The following GALNT13 variants were observed in gnomAD, a reference collection of about 807,000 sequenced individuals.
GALNT13 encodes UDP-GalNAc:polypeptide N-acetylgalactosaminyltransferase 13.
A neutral mutation model predicts 64.2 loss-of-function variants in GALNT13; 28 were observed. The ratio of observed to expected loss-of-function variants is 0.44; its 90% confidence interval spans 0.32 to 0.60. GALNT13 has a LOEUF of 0.60. GALNT13 is among the 20% of genes least tolerant of loss of function. GALNT13 has a pLI of 0.05. For missense variants in GALNT13, 577 were observed against 669.8 expected, an observed-to-expected ratio of 0.86 and a Z score of 1.53; for synonymous variants, 214 against 224.6, an observed-to-expected ratio of 0.95 and a Z score of 0.42.
At chr2:154,289,258 TA>T (rs1692462405) in intron 8 of GALNT13, among the ~76,000 whole-genome samples, 1 of 152,302 alleles carries the variant, frequency 6.6e-6, no homozygotes, top group African/African-American at 2.4e-5. Context: ...CATAAAGCAA[TA>T]AGGCCCTGGG....
chr2:153,200,378 G>T, the GALNT13 span, among the ~76,000 whole-genome samples: 1 of 152,210 alleles, frequency 6.6e-6, no homozygotes, highest in Admixed American at 6.5e-5. Flanking sequence ...TTGGAAGCAG[G>T]TTGGGGCAAA....
At chr2:153,415,168 A>G in the GALNT13 span, among the ~76,000 whole-genome samples, 4 of 152,178 alleles carry the variant, frequency 2.6e-5, no homozygotes, top group East Asian at 1.9e-4. Flanking sequence ...TGGCTTTTTA[A>G]TATCTTCCAG....
chr2:154,068,512 C>A (rs1017810418), intron 3 of GALNT13, among the ~76,000 whole-genome samples: 1 of 150,372 alleles, frequency 6.7e-6, no homozygotes, highest in African/African-American at 2.4e-5. Flanking sequence ...TATATATACA[C>A]AAAGGAGTAA....
At chr2:154,347,501 A>G (rs1216145808) in intron 9 of GALNT13, among the ~76,000 whole-genome samples, 1 of 152,082 alleles carries the variant, frequency 6.6e-6, no homozygotes, top group Non-Finnish European at 1.5e-5. Context: ...AATTTGACCA[A>G]TTGTCAGATT....
chr2:153,960,643 C>T (rs528697316), intron 3 of GALNT13, among the ~76,000 whole-genome samples: 3 of 152,246 alleles, frequency 2.0e-5, no homozygotes, highest in East Asian at 1.9e-4. Context: ...TCTGGGGTAT[C>T]GCCATGGCAA....
At chr2:153,439,285 C>T in the GALNT13 span, among the ~76,000 whole-genome samples, 1 of 152,184 alleles carries the variant, frequency 6.6e-6, no homozygotes, top group East Asian at 1.9e-4. Context: ...CTTGAGGAGG[C>T]AGTCTGCCTG....
At chr2:153,609,897 G>A in the GALNT13 span, among the ~76,000 whole-genome samples, 25 of 152,128 alleles carry the variant, frequency 1.6e-4, no homozygotes, top group South Asian at 4.2e-4. Context: ...ACCAAGTCAC[G>A]ATGCAGCAAA....
intron 2 of GALNT13, among the ~76,000 whole-genome samples, chr2:153,903,600 A>C (rs1008599410): frequency 5.3e-5 from 8 of 151,984 alleles, no homozygotes; most frequent in Non-Finnish European, 1.0e-4. Context: ...CTGTACCTTC[A>C]AAATGTGTTA....
the GALNT13 span, among the ~76,000 whole-genome samples, chr2:153,533,483 C>A: frequency 6.6e-6 from 1 of 151,980 alleles, no homozygotes; most frequent in African/African-American, 2.4e-5. Flanking sequence ...AACTCCTGAC[C>A]TCAGGTGATC....
At chr2:153,284,074 A>G in the GALNT13 span, among the ~76,000 whole-genome samples, 249 of 152,230 alleles carry the variant, frequency 1.6e-3, 7 homozygotes, top group East Asian at 0.043. Flanking sequence ...ATGCCCAGGG[A>G]TGTTAGGGCA....
chr2:154,224,302 C>A (rs906773173), intron 4 of GALNT13, among the ~76,000 whole-genome samples: 1 of 151,988 alleles, frequency 6.6e-6, no homozygotes, highest in African/African-American at 2.4e-5. Context: ...AAGCTATGTG[C>A]ATTTCATGGT....
chr2:153,435,144 A>G, the GALNT13 span, among the ~76,000 whole-genome samples: 1 of 152,172 alleles, frequency 6.6e-6, no homozygotes, highest in Non-Finnish European at 1.5e-5. Context: ...AGTTGTAGAT[A>G]TGCGGCATTA....
intron 8 of GALNT13, among the ~76,000 whole-genome samples, chr2:154,289,557 T>G (rs1438672164): frequency 6.6e-6 from 1 of 152,066 alleles, no homozygotes; most frequent in African/African-American, 2.4e-5. Flanking sequence ...TTACTCACTT[T>G]CAAGAGAACA....
chr2:153,922,947 T>C (rs1435571955), intron 2 of GALNT13, among the ~76,000 whole-genome samples: 2 of 152,174 alleles, frequency 1.3e-5, no homozygotes, highest in African/African-American at 2.4e-5. Flanking sequence ...TCACCCAGGC[T>C]GGAGTGCAGC....
chr2:153,724,253 T>C, the GALNT13 span, among the ~76,000 whole-genome samples: 1 of 143,928 alleles, frequency 6.9e-6, no homozygotes, highest in Non-Finnish European at 1.5e-5. Flanking sequence ...GCTAGCCATA[T>C]GTAGAAAGCT....
At chr2:153,540,114 G>A in the GALNT13 span, among the ~76,000 whole-genome samples, 3 of 152,214 alleles carry the variant, frequency 2.0e-5, no homozygotes, top group South Asian at 2.1e-4. Context: ...GAAGGCCTAC[G>A]AGGAATAAAT....
chr2:154,406,839 A>G (rs569945683), intron 10 of GALNT13, among the ~76,000 whole-genome samples: 2 of 152,312 alleles, frequency 1.3e-5, no homozygotes, highest in East Asian at 3.9e-4. Context: ...AGTGCCTGGT[A>G]TGAGATATAC....
chr2:153,684,118 T>C, the GALNT13 span, among the ~76,000 whole-genome samples: 4 of 151,538 alleles, frequency 2.6e-5, no homozygotes, highest in Non-Finnish European at 4.4e-5. Context: ...AGTCAATGTA[T>C]TTATTTAAAA....
the GALNT13 span, among the ~76,000 whole-genome samples, chr2:153,444,761 A>G: frequency 1.3e-5 from 2 of 152,140 alleles, no homozygotes; most frequent in Non-Finnish European, 2.9e-5. Flanking sequence ...GTTGCTATGT[A>G]TCAGTGTTTT....
Sources: gnomAD v4.1 joint callset for allele counts (sites outside exome capture counted in the v4.1 genomes callset) on GRCh38, gnomAD v4.1.1 for gene constraint, MANE v1.5 for transcripts, NCBI Gene and HGNC (gene_info 2026-07-23, HGNC 2026-07-21) for gene names.